The following RBM41 variants were observed in gnomAD, a reference collection of about 807,000 sequenced individuals.
RBM41 encodes the protein RNA binding motif protein 41.
In RBM41, 14 loss-of-function variants were observed where a neutral mutation model predicts 30.8. The ratio of observed to expected loss-of-function variants is 0.45; its 90% CI spans 0.30 to 0.71. The LOEUF is 0.71. Among genes scored for constraint, RBM41 ranks in the 30% least tolerant of loss-of-function variants. The pLI, the probability that RBM41 is intolerant of heterozygous loss-of-function variation, is 0.08. For missense variants in RBM41, 276 were observed against 326.3 expected (o/e 0.85, Z 1.19); for synonymous variants, 120 against 110.1 (o/e 1.09, Z -0.56).
the RBM41 span, among the ~76,000 whole-genome samples, chrX:107,056,787 A>G: frequency 9.3e-6 from 1 of 107,166 alleles, no homozygotes; most frequent in Admixed American, 1.0e-4. Flanking sequence ...TGGTTTGCCA[A>G]TTTTGGTGAT....
chrX:107,100,069 T>C (rs1217862680), intron 5 of RBM41, among the ~76,000 whole-genome samples: 1 of 111,836 alleles, frequency 8.9e-6, no homozygotes, highest in Non-Finnish European at 1.9e-5. Context: ...TGAACGCAGG[T>C]GAAGGGTGTG....
chrX:107,100,057 G>A (rs1207780731), intron 5 of RBM41, among the ~76,000 whole-genome samples: 2 of 112,158 alleles, frequency 1.8e-5, no homozygotes, highest in Non-Finnish European at 3.8e-5. Flanking sequence ...GTCAACAGTT[G>A]GTGAACGCAG....
chrX:107,116,245 C>T, intron 2 of RBM41, 191 bp from the exon 3 acceptor site: 1 of 968,934 alleles, frequency 1.0e-6, no homozygotes, highest in Admixed American at 5.0e-5. Flanking sequence ...GAATAATAAA[C>T]TAAATCAACA....
chrX:107,058,482 T>G (rs1152327), downstream of RBM41, among the ~76,000 whole-genome samples: 40,217 of 109,273 alleles, frequency 0.37, 8,093 homozygotes, highest in African/African-American at 0.76. Flanking sequence ...AAACGACTGT[T>G]TAGTGAGTTT....
chrX:107,099,723 A>ACACG (rs1264491762), intron 5 of RBM41, among the ~76,000 whole-genome samples: 1 of 110,345 alleles, frequency 9.1e-6, no homozygotes, highest in African/African-American at 3.3e-5. Flanking sequence ...ACACACACAC[A>ACACG]CACACGAACA....
chrX:107,072,569 C>A (rs1168130801), intron 6 of RBM41, among the ~76,000 whole-genome samples: 1 of 111,333 alleles, frequency 9.0e-6, no homozygotes, highest in Non-Finnish European at 1.9e-5. Flanking sequence ...ACCATACTAT[C>A]CAAAGCAACC....
In RBM41 at chrX:107,109,631, T is replaced by C. The variant is rs1334941349; in HGVS notation, c.595+3766A>G. On this transcript the variant is annotated intron_variant, in intron 5 of 7. Coordinates refer to ENST00000685964, the MANE Select transcript of RBM41 (RefSeq NM_001324242.2). ...ATTATTTCTTTTCATCAGCTTGATT[T>C]GGATTTAGTTTGCTCTTCTTTTAAT... Among the ~76,000 whole-genome samples the C allele has an allele frequency of 1.3e-4, 15 of 111,657 alleles. No individual in the cohort carries two copies. The Admixed American group carries it at 1.4e-3, about 11-fold the overall frequency.
At chrX:107,068,091 G>A (rs1299882552) in intron 7 of RBM41, among the ~76,000 whole-genome samples, 1 of 111,448 alleles carries the variant, frequency 9.0e-6, no homozygotes, top group Non-Finnish European at 1.9e-5. Context: ...ATGTTATCAA[G>A]GGCACTTTGC....
intron 6 of RBM41, among the ~76,000 whole-genome samples, chrX:107,085,761 T>C (rs1192623463): frequency 8.9e-6 from 1 of 112,036 alleles, no homozygotes; most frequent in Non-Finnish European, 1.9e-5. Flanking sequence ...TTTATTTTTA[T>C]TGTGTTGTTT....
intron 6 of RBM41, among the ~76,000 whole-genome samples, chrX:107,076,460 G>C (rs756563503): frequency 9.0e-6 from 1 of 110,942 alleles, no homozygotes; most frequent in South Asian, 3.8e-4. Context: ...TATAGGCTAA[G>C]TGAAATAAGC....
intron 7 of RBM41, 79 bp downstream of exon 7, chrX:107,069,176 T>C (rs1935952079): frequency 1.2e-6 from 1 of 864,227 alleles, no homozygotes; most frequent in Non-Finnish European, 1.6e-6. Flanking sequence ...CAAAGGACTA[T>C]ATCTAAATTA....
intron 6 of RBM41, among the ~76,000 whole-genome samples, chrX:107,077,288 C>G (rs893309729): frequency 9.0e-6 from 1 of 111,009 alleles, no homozygotes; most frequent in Non-Finnish European, 1.9e-5. Context: ...CATGCCACCA[C>G]GCCCAGCTAA....
At chrX:107,090,370 T>C (rs1922423527) in intron 5 of RBM41, among the ~76,000 whole-genome samples, 1 of 111,634 alleles carries the variant, frequency 9.0e-6, no homozygotes, top group African/African-American at 3.3e-5. Flanking sequence ...TGAGACTCCA[T>C]CTCAAAACAA....
At chrX:107,104,480 T>C (rs1923764704) in intron 5 of RBM41, among the ~76,000 whole-genome samples, 1 of 111,322 alleles carries the variant, frequency 9.0e-6, no homozygotes, top group Admixed American at 9.6e-5. Context: ...ATAGAAAAAA[T>C]CTTTTCCCAT....
chrX:107,098,594 C>T (rs1333153035), intron 5 of RBM41, among the ~76,000 whole-genome samples: 3 of 111,660 alleles, frequency 2.7e-5, no homozygotes, highest in African/African-American at 9.8e-5. Context: ...AGGCTATCTA[C>T]ATGAGGGAAA....
rs370385759 is a variant in RBM41, at chrX:107,088,739, C to T, written c.696G>A (p.Met232Ile). ...AGTGGGAAGCAAAGGGTTCACCTCT[C>T]ATAAGTTGAAACTCTTCAAGACGTT... ...MKKRLEEFQL[M>I]RGEPFASHSL... The change falls in exon 6 of 8, where the codon ATG becomes ATA. Residue 232 changes from methionine to isoleucine, a missense_variant. Transcript: ENST00000685964. 4.1e-6 allele frequency: 5 copies of T among 1,209,468 alleles called. No homozygotes were observed. In the African/African-American group the frequency reaches 7.0e-5, roughly 17 times the overall value.
At chrX:107,118,632 G>A (rs1235405665) in intron 1 of RBM41, 134 bp downstream of exon 1, 2 of 854,990 alleles carry the variant, frequency 2.3e-6, no homozygotes, top group African/African-American at 4.0e-5. Flanking sequence ...CGTCTCCTTT[G>A]TCGTGTTCCC....
chrX:107,078,189 G>A (rs1921158961), intron 6 of RBM41, among the ~76,000 whole-genome samples: 1 of 111,416 alleles, frequency 9.0e-6, no homozygotes, highest in African/African-American at 3.3e-5. Context: ...AACTATTGGT[G>A]TTGGCCTTAA....
rs1243601474 is a variant in RBM41 at position 107,063,206 on chromosome X, C to T, written c.*4321G>A. 9.0e-6 allele frequency among the ~76,000 whole-genome samples: 1 copy of T among 111,052 alleles called. No homozygotes were observed. Among genetic ancestry groups the T allele is most frequent in the African/African-American group, 3.3e-5 (1 of 30,555 alleles). ...CTTCAACTGTTACCCCCAGCCCTTC[C>T]CATTCCCCCCAACTCTGTGCTAGCC... On this transcript the variant is annotated 3_prime_UTR_variant, in exon 8 of 8. Transcript: ENST00000685964.
Sources: allele counts gnomAD v4.1 joint callset (sites outside exome capture counted in the v4.1 genomes callset), GRCh38; gene constraint gnomAD v4.1.1; transcripts MANE v1.5; gene names NCBI Gene and HGNC (gene_info 2026-07-23, HGNC 2026-07-21).